RNF24: variants seen among roughly 807,000 people sequenced by gnomAD.
RNF24 encodes ring finger protein 24.
RNF24 carries 14 observed loss-of-function variants against 20.0 expected under a neutral mutation model. The ratio of observed to expected loss-of-function variants is 0.70; its 90% CI spans 0.46 to 1.10. The LOEUF (loss-of-function observed/expected upper bound fraction) is 1.10. Among genes scored for constraint, RNF24 ranks in the 50% least tolerant of loss-of-function variants. The pLI, the probability that RNF24 is intolerant of heterozygous loss-of-function variation, is 0.00. For missense variants in RNF24, 124 were observed against 177.6 expected (o/e 0.70, Z 1.71); for synonymous variants, 45 against 61.1 (o/e 0.74, Z 1.23).
chr20:3,937,891 G>A (rs1013966293), intron 4 of RNF24, among the ~76,000 whole-genome samples: 2 of 151,946 alleles, frequency 1.3e-5, no homozygotes, highest in African/African-American at 4.8e-5. Context: ...CTACCTTTTG[G>A]CTATTGTGGA....
At chr20:3,940,494 G>C (rs2090942907) in intron 4 of RNF24, among the ~76,000 whole-genome samples, 1 of 150,802 alleles carries the variant, frequency 6.6e-6, no homozygotes, top group Non-Finnish European at 1.5e-5. Context: ...TTCCAGGAGA[G>C]AGAAAGAGTG....
chr20:3,978,123 G>A (rs1979047062), intron 1 of RNF24, among the ~76,000 whole-genome samples: 1 of 149,674 alleles, frequency 6.7e-6, no homozygotes, highest in Non-Finnish European at 1.5e-5. Flanking sequence ...AGGCTAGAGT[G>A]CAGTGGCGTG....
intron 1 of RNF24, among the ~76,000 whole-genome samples, chr20:3,981,783 C>A (rs1009592540): frequency 1.3e-5 from 2 of 152,144 alleles, no homozygotes; most frequent in Non-Finnish European, 2.9e-5. Context: ...ATTTTCAAGG[C>A]TATTCTTACA....
In RNF24 at chr20:3,934,013, T is replaced by C. The variant is rs777694513; in HGVS notation, c.*50A>G. ...ATACAGACACCACATGTGTTCCTCC[T>C]GGCTCCACACAGACGTCGTGTCCAG... On this transcript the variant is annotated 3_prime_UTR_variant, in exon 6 of 6. Transcript: ENST00000358395. This position sits in a 1 kb window ranked among gnomAD's most constrained non-coding sequence, Gnocchi z 4.0. The C allele has an allele frequency of 7.1e-7, 1 of 1,411,804 alleles. No individual in the cohort carries two copies. The highest frequency in any genetic ancestry group is 2.8e-5 in the Admixed American group (1 of 35,564). 87.5% of individuals were successfully genotyped at this position (1,411,804 alleles called of 1,614,324 possible). A position where few individuals can be genotyped will look rare whatever the true frequency, so the allele number is the denominator to read the frequency against.
chr20:3,939,247 C>T (rs1483008209), intron 4 of RNF24, among the ~76,000 whole-genome samples: 1 of 152,128 alleles, frequency 6.6e-6, no homozygotes, highest in Non-Finnish European at 1.5e-5. Flanking sequence ...TCCCCCTCAG[C>T]CCCCTGAGGA....
chr20:3,982,103 G>GTCTCTGTCTCTCTCTCTCTCTCTC (rs1555799855), intron 1 of RNF24, among the ~76,000 whole-genome samples: 1 of 137,026 alleles, frequency 7.3e-6, no homozygotes, highest in Non-Finnish European at 1.6e-5. Flanking sequence ...GTGAGACCTC[G>GTCTCTGTCTCTCTCTCTCTCTCTC]TCTCTCTCTC....
chr20:4,001,426 G>T (rs1981379505), intron 1 of RNF24, among the ~76,000 whole-genome samples: 1 of 152,116 alleles, frequency 6.6e-6, no homozygotes. Context: ...ATGTAGTGGG[G>T]TTATTCATCA....
At chr20:3,968,158 AG>A (rs2091279480) in intron 1 of RNF24, among the ~76,000 whole-genome samples, 1 of 151,878 alleles carries the variant, frequency 6.6e-6, no homozygotes, top group Admixed American at 6.6e-5. Flanking sequence ...TACAAAAATT[AG>A]ATGGGCCTGG....
intron 2 of RNF24, among the ~76,000 whole-genome samples, chr20:3,962,804 G>A (rs924928654): frequency 7.3e-5 from 11 of 150,680 alleles, no homozygotes; most frequent in African/African-American, 2.0e-4. Flanking sequence ...TCTCCCTCCC[G>A]GGTTCAAGGG....
chr20:4,005,642 G>A (rs768879225), intron 1 of RNF24, among the ~76,000 whole-genome samples: 11 of 151,944 alleles, frequency 7.2e-5, no homozygotes, highest in Non-Finnish European at 1.6e-4. Context: ...ATAATATTTA[G>A]GTTCTATTTC....
chr20:3,955,997 G>A (rs1003382326), intron 2 of RNF24, among the ~76,000 whole-genome samples: 6 of 152,056 alleles, frequency 3.9e-5, no homozygotes, highest in South Asian at 2.1e-4. Context: ...AAAGTTTGCT[G>A]AATTTATTAG....
chr20:4,007,910 C>T (rs541479280), intron 1 of RNF24, among the ~76,000 whole-genome samples: 1 of 151,814 alleles, frequency 6.6e-6, no homozygotes, highest in African/African-American at 2.4e-5. Context: ...GAACAAGACT[C>T]TCTCTCTTAA....
chr20:4,014,770 C>T (rs1982749875), intron 1 of RNF24, among the ~76,000 whole-genome samples: 1 of 149,978 alleles, frequency 6.7e-6, no homozygotes. Flanking sequence ...CACACACACA[C>T]ACACACATCA....
At chr20:3,939,638 C>T (rs2090932331) in intron 4 of RNF24, among the ~76,000 whole-genome samples, 1 of 152,230 alleles carries the variant, frequency 6.6e-6, no homozygotes, top group Non-Finnish European at 1.5e-5. Flanking sequence ...TGTGAGTTCT[C>T]TAACTCTGTT....
In RNF24 at chr20:3,991,606, A is replaced by T. The variant is rs145094343; in HGVS notation, c.-8+23831T>A. Among the ~76,000 whole-genome samples the T allele has an allele frequency of 6.8e-4, 104 of 152,228 alleles. 3 individuals carry two copies. The East Asian group carries it at 0.02, about 29-fold the overall frequency. ...CCAGTTGTTTGTAAAGATTCACAGAAATTTAAAAACCTTGATTCTTATTTA... is the reference window on the plus strand; with the variant it reads ...CCAGTTGTTTGTAAAGATTCACAGATATTTAAAAACCTTGATTCTTATTTA... On this transcript the variant is annotated intron_variant, in intron 1 of 5. Transcript: ENST00000358395.
intron 1 of RNF24, among the ~76,000 whole-genome samples, chr20:4,010,008 G>A (rs1324574194): frequency 1.4e-5 from 2 of 146,614 alleles, no homozygotes; most frequent in South Asian, 2.2e-4. Context: ...CCGAGATCAC[G>A]CCACTGCACT....
chr20:4,002,596 T>C (rs1981505386), intron 1 of RNF24, among the ~76,000 whole-genome samples: 2 of 152,144 alleles, frequency 1.3e-5, no homozygotes, highest in Non-Finnish European at 1.5e-5. Context: ...TTAAGTAATA[T>C]TAATCTCAGG....
At chr20:3,972,908 A>T (rs537910696) in intron 1 of RNF24, among the ~76,000 whole-genome samples, 2 of 142,714 alleles carry the variant, frequency 1.4e-5, no homozygotes, top group Admixed American at 7.0e-5. Context: ...GTCTCAGTTT[A>T]AAAAAAAAAA....
intron 1 of RNF24, among the ~76,000 whole-genome samples, chr20:4,007,456 C>A (rs1004299933): frequency 9.9e-5 from 15 of 151,996 alleles, no homozygotes; most frequent in African/African-American, 3.6e-4. Context: ...AAAAAAAAAT[C>A]TGTTGATGAT....
Sources: gnomAD v4.1 joint callset for allele counts (sites outside exome capture counted in the v4.1 genomes callset) on GRCh38, gnomAD v4.1.1 for gene constraint, Gnocchi (gnomAD v3.1) non-coding constraint, MANE v1.5 for transcripts, NCBI Gene and HGNC (gene_info 2026-07-23, HGNC 2026-07-21) for gene names.